The following FRMD4B variants were observed in gnomAD, a reference collection of about 807,000 sequenced individuals.
FRMD4B encodes FERM domain containing 4B.
In FRMD4B, 74 loss-of-function variants were observed where a neutral mutation model predicts 141.5. The ratio of observed to expected loss-of-function variants is 0.52; its 90% CI spans 0.43 to 0.63. The LOEUF is 0.63. Among genes scored for constraint, FRMD4B ranks in the 30% least tolerant of loss-of-function variants. FRMD4B has a pLI of 0.00. For missense variants in FRMD4B, 1,366 were observed against 1,253.4 expected (o/e 1.09, Z -1.36); for synonymous variants, 506 against 467.9 (o/e 1.08, Z -1.05).
At chr3:69,266,556 C>T (rs1014189375) in intron 5 of FRMD4B, among the ~76,000 whole-genome samples, 7 of 152,026 alleles carry the variant, frequency 4.6e-5, no homozygotes, top group Non-Finnish European at 1.0e-4. Flanking sequence ...GAACTCCTGA[C>T]CTCAGGTGAC....
At chr3:69,403,643 T>G (rs1704603941) in intron 2 of FRMD4B, among the ~76,000 whole-genome samples, 1 of 152,164 alleles carries the variant, frequency 6.6e-6, no homozygotes, top group Non-Finnish European at 1.5e-5. Context: ...AAGACAGGTT[T>G]TGGAAGTATA....
In FRMD4B at chr3:69,171,879, C is replaced by T. The variant is rs2092591010; in HGVS notation, c.3087G>A (p.Lys1029=). The change falls in exon 23 of 23, where the codon AAG becomes AAA. Residue 1029 remains lysine (K), a synonymous_variant. Transcript: ENST00000398540. ...EQRLFWHEDS[K]PGTLV ...CTGCAGTTCAGACTAATGTTCCAGG[C>T]TTTGAATCTTCATGCCAAAAGAGTC... 3 of 1,612,754 alleles carry T rather than the reference C, an allele frequency of 1.9e-6. No homozygotes were observed. In the East Asian group the frequency reaches 6.7e-5, roughly 36 times the overall value.
At chr3:69,220,582 T>TTG (rs2093184335) in intron 9 of FRMD4B, among the ~76,000 whole-genome samples, 1 of 152,190 alleles carries the variant, frequency 6.6e-6, no homozygotes, top group Non-Finnish European at 1.5e-5. Flanking sequence ...CTAGGCACAG[T>TTG]GGCCCATGTC....
intron 1 of FRMD4B, among the ~76,000 whole-genome samples, chr3:69,462,482 A>G (rs1306676115): frequency 6.6e-6 from 1 of 152,218 alleles, no homozygotes; most frequent in Admixed American, 6.5e-5. Context: ...CTTCTGGGGT[A>G]GGCCCAGGGC....
At chr3:69,455,936 T>G (rs1046309465) in intron 1 of FRMD4B, among the ~76,000 whole-genome samples, 1 of 152,182 alleles carries the variant, frequency 6.6e-6, no homozygotes, top group Non-Finnish European at 1.5e-5. Context: ...CTCAGTTCCA[T>G]TTTGTTCTGA....
At chr3:69,250,458 G>C (rs1431104133) in intron 5 of FRMD4B, among the ~76,000 whole-genome samples, 2 of 152,098 alleles carry the variant, frequency 1.3e-5, no homozygotes, top group Admixed American at 1.3e-4. Context: ...TAAGCACTCT[G>C]CAGAATTTCC....
chr3:69,196,644 A>T (rs1410888743), intron 13 of FRMD4B: 1 of 573,540 alleles, frequency 1.7e-6, no homozygotes, highest in Non-Finnish European at 3.0e-6. Flanking sequence ...TGTCACCGGC[A>T]ACATCACCGC....
rs961957352 is a variant in FRMD4B, at chr3:69,459,252, T to C, written c.-128-26491A>G. ...TTCTCTGCTTCCTACTTCAGAATCA[T>C]TGAACTGATTTAATGAGCTCTGTCT... On this transcript the variant is annotated intron_variant, in intron 1 of 5. Transcript: ENST00000459638. Among the ~76,000 whole-genome samples the C allele has an allele frequency of 2.6e-5, 4 of 152,218 alleles. No individual in the cohort carries two copies. In the South Asian group the frequency reaches 6.2e-4, roughly 24 times the overall value.
chr3:69,180,632 C>T lies in FRMD4B; in HGVS notation c.2851+267G>A, dbSNP rs7627806. Among the ~76,000 whole-genome samples, 283 of 152,116 alleles carry T rather than the reference C, an allele frequency of 1.9e-3. 2 individuals are homozygous for T. The highest frequency in any genetic ancestry group is 6.5e-3 in the African/African-American group (269 of 41,478). On this transcript the variant is annotated intron_variant, in intron 21 of 22. Transcript: ENST00000398540. ...CAAAAAACAAAAAAAAACCCTAAAA[C>T]AGGGCAGCACAGAGAGTAAATGCTC...
chr3:69,185,821 C>G (rs1159976131), intron 19 of FRMD4B, among the ~76,000 whole-genome samples: 1 of 152,098 alleles, frequency 6.6e-6, no homozygotes, highest in Non-Finnish European at 1.5e-5. Flanking sequence ...GTGGGCGGAT[C>G]ACCTGAGGTC....
intron 2 of FRMD4B, among the ~76,000 whole-genome samples, chr3:69,422,816 C>T (rs1204980979): frequency 6.6e-6 from 1 of 151,936 alleles, no homozygotes; most frequent in Non-Finnish European, 1.5e-5. Context: ...AAAAAACATT[C>T]TTAGCTCAGG....
At chr3:69,353,093 A>T (rs767849913) in intron 1 of FRMD4B, among the ~76,000 whole-genome samples, 5 of 25,036 alleles carry the variant, frequency 2.0e-4, no homozygotes, top group East Asian at 5.3e-4. Flanking sequence ...TTTAAAATTT[A>T]AAAAAAAAAA....
In FRMD4B at chr3:69,415,073, T is replaced by C. The variant is rs140756733; in HGVS notation, c.-1+17561A>G. On this transcript the variant is annotated intron_variant, in intron 2 of 5. Coordinates refer to the FRMD4B transcript ENST00000459638. ...TGGAGATGGGGTTTCACTATGTTGG[T>C]CAGGCTGGTGTCTAACTCCTGACCT... 3.8e-4 allele frequency among the ~76,000 whole-genome samples: 58 copies of C among 151,294 alleles called. No individual in the cohort carries two copies. The East Asian group carries it at 0.011, about 29-fold the overall frequency.
rs1559535005 is a variant in FRMD4B at position 69,463,999 on chromosome 3, C to A, written c.-128-31238G>T. Reference sequence around the variant, plus strand: ...TACCCTGGAAGCCAGAGGGAGTAAACTGTGAATAAGTGAAGCCTCACCTTG... The same window carrying A: ...TACCCTGGAAGCCAGAGGGAGTAAAATGTGAATAAGTGAAGCCTCACCTTG... On this transcript the variant is annotated intron_variant, in intron 1 of 5. Coordinates refer to the FRMD4B transcript ENST00000459638. Among the ~76,000 whole-genome samples the A allele has an allele frequency of 2.6e-5, 4 of 152,162 alleles. 1 individual carries two copies. Among genetic ancestry groups the A allele is most frequent in the Non-Finnish European group, 5.9e-5 (4 of 68,034 alleles).
At chr3:69,328,570 G>T (rs555709803) in intron 1 of FRMD4B, among the ~76,000 whole-genome samples, 3 of 152,088 alleles carry the variant, frequency 2.0e-5, no homozygotes. Context: ...CAGCAGGGCT[G>T]GTATCACAAG....
At chr3:69,237,526 C>T (rs760471638) in intron 7 of FRMD4B, among the ~76,000 whole-genome samples, 11 of 152,196 alleles carry the variant, frequency 7.2e-5, no homozygotes, top group African/African-American at 9.6e-5. Context: ...GAAGCTCCTT[C>T]ACAGGGCTAC....
intron 2 of FRMD4B, among the ~76,000 whole-genome samples, chr3:69,409,495 G>A (rs1363174384): frequency 1.3e-5 from 2 of 152,188 alleles, no homozygotes; most frequent in Non-Finnish European, 2.9e-5. Context: ...CCTCTGGACT[G>A]CCAAGGGGTT....
rs910714134 is a variant in FRMD4B, at chr3:69,216,179, A to T, written c.876+84T>A. On this transcript the variant is annotated intron_variant, in intron 11 of 22. Coordinates refer to ENST00000398540, the MANE Select transcript of FRMD4B (RefSeq NM_015123.3). Reference sequence around the variant, plus strand: ...AAAAAAAACCAAAAAAACCCCAACAACCTAATGGTGTGTGCTTTTCAACTA... The same window carrying T: ...AAAAAAAACCAAAAAAACCCCAACATCCTAATGGTGTGTGCTTTTCAACTA... 179 of 788,322 alleles carry T rather than the reference A, an allele frequency of 2.3e-4. No homozygotes were observed. The African/African-American group carries it at 3.0e-3, about 13-fold the overall frequency. 48.8% of individuals were successfully genotyped at this position (788,322 alleles called of 1,614,324 possible).
At chr3:69,528,641 C>T (rs979285521) in intron 1 of FRMD4B, among the ~76,000 whole-genome samples, 2 of 152,160 alleles carry the variant, frequency 1.3e-5, no homozygotes, top group Admixed American at 1.3e-4. Context: ...GCTGGGACTG[C>T]AGGCGTGAGC....
Sources: gnomAD v4.1 joint callset for allele counts (sites outside exome capture counted in the v4.1 genomes callset) on GRCh38, gnomAD v4.1.1 for gene constraint, MANE v1.5 for transcripts, NCBI Gene and HGNC (gene_info 2026-07-23, HGNC 2026-07-21) for gene names.